ITPR2: variants seen among roughly 807,000 people sequenced by gnomAD.
The protein encoded by ITPR2 is inositol 1,4,5-trisphosphate receptor type 2.
Under a neutral mutation model 317.1 loss-of-function variants are expected in ITPR2, and 207 were observed. The ratio of observed to expected loss-of-function variants is 0.65; its 90% CI spans 0.58 to 0.73. ITPR2 has a LOEUF of 0.73. Among genes scored for constraint, ITPR2 ranks in the 30% least tolerant of loss-of-function variants. ITPR2 has a pLI of 0.00. For missense variants in ITPR2, 2,613 were observed against 3,284.0 expected (o/e 0.80, Z 4.99); for synonymous variants, 1,156 against 1,149.1 (o/e 1.01, Z -0.12).
chr12:26,727,285 A>G (rs1460527593), intron 2 of ITPR2, among the ~76,000 whole-genome samples: 1 of 152,216 alleles, frequency 6.6e-6, no homozygotes, highest in Admixed American at 6.5e-5. Flanking sequence ...TTAATACAGC[A>G]GACTCTTTTG....
intron 13 of ITPR2, among the ~76,000 whole-genome samples, chr12:26,668,412 T>C (rs775567474): frequency 1.3e-5 from 2 of 152,174 alleles, no homozygotes; most frequent in African/African-American, 4.8e-5. Context: ...GCAATCTCCA[T>C]GATTAAAGTC....
intron 1 of ITPR2, among the ~76,000 whole-genome samples, chr12:26,821,800 C>T (rs1950943058): frequency 6.6e-6 from 1 of 152,182 alleles, no homozygotes; most frequent in Non-Finnish European, 1.5e-5. Context: ...AGTTCCAGGG[C>T]AATTCACTAC....
At chr12:26,611,863 G>C (rs1946277145) in intron 26 of ITPR2, among the ~76,000 whole-genome samples, 1 of 152,168 alleles carries the variant, frequency 6.6e-6, no homozygotes, top group South Asian at 2.1e-4. Flanking sequence ...ATTTGAAAGT[G>C]ATGAATTAGT....
intron 21 of ITPR2, among the ~76,000 whole-genome samples, chr12:26,644,940 G>T (rs117012158): frequency 1.3e-5 from 2 of 152,096 alleles, no homozygotes; most frequent in African/African-American, 4.8e-5. Context: ...CTTCAAGCAC[G>T]GTCACTCACC....
intron 37 of ITPR2, among the ~76,000 whole-genome samples, chr12:26,514,950 T>G (rs933493007): frequency 6.6e-6 from 1 of 152,204 alleles, no homozygotes; most frequent in African/African-American, 2.4e-5. Flanking sequence ...TTGATCAGAA[T>G]AGTATCTATG....
chr12:26,768,569 TATAA>T (rs1341380255), intron 2 of ITPR2, among the ~76,000 whole-genome samples: 17 of 14,596 alleles, frequency 1.2e-3, no homozygotes, highest in Admixed American at 2.6e-3. Context: ...TACAAATATA[TATAA>T]AAAAAAAAAA....
At chr12:26,348,049 C>A (rs1938361947) in intron 55 of ITPR2, among the ~76,000 whole-genome samples, 1 of 152,190 alleles carries the variant, frequency 6.6e-6, no homozygotes, top group South Asian at 2.1e-4. Context: ...CTTTCCTGAG[C>A]TTTATGTTTA....
intron 55 of ITPR2, among the ~76,000 whole-genome samples, chr12:26,369,435 A>C (rs1307457907): frequency 1.3e-5 from 2 of 152,234 alleles, no homozygotes; most frequent in African/African-American, 4.8e-5. Flanking sequence ...GTAGTGGATT[A>C]ATATCAGTTT....
At chr12:26,484,380 A>T (rs918127325) in intron 41 of ITPR2, among the ~76,000 whole-genome samples, 1 of 152,130 alleles carries the variant, frequency 6.6e-6, no homozygotes, top group South Asian at 2.1e-4. Flanking sequence ...ATTATAAATG[A>T]TATAATCATT....
At chr12:26,366,131 G>A (rs929786494) in intron 55 of ITPR2, among the ~76,000 whole-genome samples, 14 of 152,030 alleles carry the variant, frequency 9.2e-5, no homozygotes, top group Admixed American at 1.3e-4. Flanking sequence ...TGCTTTCCTT[G>A]TTCTCTTTGC....
chr12:26,494,253 A>G lies in ITPR2; in HGVS notation c.5270T>C (p.Leu1757Pro). 6.2e-7 allele frequency: 1 copy of G among 1,613,676 alleles called. No individual in the cohort carries two copies. The highest frequency in any genetic ancestry group is 8.5e-7 in the Non-Finnish European group (1 of 1,179,694). The stretch of plus-strand genomic sequence containing the variant: ...GGTGTTCACTATAACATCGATGACA[A>G]GTTCTGATGCACCTTCTTTATCCAG... ...CLLDKEGASE[L>P]VIDVIVNTKN... The change falls in exon 39 of 57, where the codon CTT becomes CCT. Residue 1757 changes from leucine (L) to proline (P), a missense_variant. Physicochemically the swap from Leu to Pro is moderately conservative, Grantham distance 98. Coordinates refer to ENST00000381340, the MANE Select transcript of ITPR2 (RefSeq NM_002223.4).
chr12:26,599,902 G>A, intron 29 of ITPR2, 85 bp downstream of exon 29: 1 of 971,528 alleles, frequency 1.0e-6, no homozygotes, highest in Non-Finnish European at 1.5e-6. Context: ...GCAAGGAAGT[G>A]TAACAAAATT....
chr12:26,797,062 A>C (rs1304782880), intron 1 of ITPR2, among the ~76,000 whole-genome samples: 1 of 152,184 alleles, frequency 6.6e-6, no homozygotes, highest in Non-Finnish European at 1.5e-5. Context: ...GGTATGACTA[A>C]ATGAATAATT....
intron 55 of ITPR2, among the ~76,000 whole-genome samples, chr12:26,368,472 G>A (rs1365292030): frequency 3.3e-5 from 5 of 152,078 alleles, no homozygotes; most frequent in African/African-American, 1.2e-4. Context: ...TAAATGTAAA[G>A]GTAGATAATA....
chr12:26,768,043 A>G (rs539456565), intron 2 of ITPR2, among the ~76,000 whole-genome samples: 2 of 152,264 alleles, frequency 1.3e-5, no homozygotes, highest in African/African-American at 4.8e-5. Context: ...TTCCCTGACC[A>G]TGATTCTTAC....
intron 41 of ITPR2, among the ~76,000 whole-genome samples, chr12:26,484,472 T>C (rs921808528): frequency 1.3e-5 from 2 of 152,174 alleles, no homozygotes; most frequent in Non-Finnish European, 2.9e-5. Context: ...TAGATATATG[T>C]ACATAAGTAC....
chr12:26,753,549 C>A (rs922951693), intron 2 of ITPR2, among the ~76,000 whole-genome samples: 1 of 152,142 alleles, frequency 6.6e-6, no homozygotes, highest in Non-Finnish European at 1.5e-5. Context: ...AAGTAACTCG[C>A]CTTCCCCACC....
chr12:26,748,068 T>C (rs1197923470), intron 2 of ITPR2, among the ~76,000 whole-genome samples: 3 of 152,176 alleles, frequency 2.0e-5, no homozygotes, highest in Non-Finnish European at 1.5e-5. Context: ...TTGTTTGTTT[T>C]GTTTTTTTGA....
chr12:26,481,296 GAACT>G, intron 42 of ITPR2, 55 bp from the exon 43 acceptor site: 1 of 985,626 alleles, frequency 1.0e-6, no homozygotes, highest in African/African-American at 1.6e-5. Flanking sequence ...AATAGCACTA[GAACT>G]AACAGGATAT....
Sources: allele counts gnomAD v4.1 joint callset (sites outside exome capture counted in the v4.1 genomes callset), GRCh38; gene constraint gnomAD v4.1.1; transcripts MANE v1.5; gene names NCBI Gene and HGNC (gene_info 2026-07-23, HGNC 2026-07-21).